Variants in FAM120B observed in about 807,000 individuals in gnomAD.
The protein encoded by FAM120B is family with sequence similarity 120 member B.
In FAM120B, 83 loss-of-function variants were observed where a neutral mutation model predicts 96.3. That is an observed-to-expected ratio of 0.86 (90% confidence interval 0.72 to 1.03). The LOEUF is 1.03. Among genes scored for constraint, FAM120B ranks in the 50% least tolerant of loss-of-function variants. The probability of loss-of-function intolerance (pLI) is 0.00; values close to 1 mark genes in which losing one functional copy is unlikely to be tolerated. For synonymous variants in FAM120B, 407 were observed against 402.7 expected, an observed-to-expected ratio of 1.01 and a Z score of -0.13; for missense variants, 1,027 against 1,121.2, an observed-to-expected ratio of 0.92 and a Z score of 1.20.
intron 3 of FAM120B, 88 bp downstream of exon 3, chr6:170,323,347 C>A: frequency 2.7e-6 from 3 of 1,094,344 alleles, no homozygotes; most frequent in Admixed American, 2.4e-5. Flanking sequence ...TGCATTCTTT[C>A]AAGACATGGA....
intron 6 of FAM120B, among the ~76,000 whole-genome samples, chr6:170,364,327 T>C (rs571213826): frequency 1.3e-5 from 2 of 152,322 alleles, no homozygotes; most frequent in Non-Finnish European, 2.9e-5. Flanking sequence ...GCCAAGTCAC[T>C]ATCCCAGAGT....
upstream of FAM120B, among the ~76,000 whole-genome samples, chr6:170,306,352 C>T (rs1425880920): frequency 8.5e-5 from 13 of 152,236 alleles, no homozygotes. Context: ...CAGGGCCACC[C>T]GCCTGGGCCG....
intron 2 of FAM120B, among the ~76,000 whole-genome samples, chr6:170,320,349 A>G (rs1562524989): frequency 6.6e-6 from 1 of 152,304 alleles, no homozygotes; most frequent in East Asian, 1.9e-4. Flanking sequence ...AAGCAGGTAT[A>G]TCGATATGAT....
intron 2 of FAM120B, among the ~76,000 whole-genome samples, chr6:170,321,741 G>T (rs1785300316): frequency 6.6e-6 from 1 of 152,154 alleles, no homozygotes; most frequent in Non-Finnish European, 1.5e-5. Flanking sequence ...CAGGACAAGT[G>T]CTTTTCTTAT....
chr6:170,379,189 A>G (rs1456956330), intron 6 of FAM120B, among the ~76,000 whole-genome samples: 2 of 152,240 alleles, frequency 1.3e-5, no homozygotes, highest in East Asian at 3.9e-4. Flanking sequence ...ACAGGAAAAA[A>G]TATACCTGTG....
intron 2 of FAM120B, among the ~76,000 whole-genome samples, chr6:170,322,248 T>G (rs1044345973): frequency 2.6e-5 from 4 of 152,238 alleles, no homozygotes; most frequent in Admixed American, 2.6e-4. Flanking sequence ...AATGAGTGAA[T>G]GAATATAGTA....
intron 2 of FAM120B, among the ~76,000 whole-genome samples, chr6:170,321,694 T>C (rs758453141): frequency 6.6e-6 from 1 of 152,142 alleles, no homozygotes; most frequent in Non-Finnish European, 1.5e-5. Context: ...TATAATCTTA[T>C]AGAACATGCA....
upstream of FAM120B, among the ~76,000 whole-genome samples, chr6:170,291,369 G>A (rs1783867774): frequency 6.6e-6 from 1 of 151,594 alleles, no homozygotes; most frequent in East Asian, 2.0e-4. Flanking sequence ...CCGAAACTCC[G>A]GGCCGCGGCG....
intron 6 of FAM120B, among the ~76,000 whole-genome samples, chr6:170,361,214 A>ACATG: frequency 1.0e-5 from 1 of 100,094 alleles, no homozygotes; most frequent in East Asian, 1.2e-3. Flanking sequence ...ATATATATAT[A>ACATG]TATATATATA....
chr6:170,353,482 A>T (rs1787708290), intron 5 of FAM120B, among the ~76,000 whole-genome samples: 1 of 152,236 alleles, frequency 6.6e-6, no homozygotes, highest in Non-Finnish European at 1.5e-5. Flanking sequence ...CTTGATGAAC[A>T]TTGATGCAAA....
chr6:170,390,921 AG>A, intron 7 of FAM120B, 91 bp from the exon 8 acceptor site: 1 of 982,508 alleles, frequency 1.0e-6, no homozygotes, highest in South Asian at 1.4e-5. Context: ...ACAGTGTGGA[AG>A]GGTGTCCCCT....
intron 9 of FAM120B, 94 bp from the exon 10 acceptor site, chr6:170,404,456 C>A: frequency 9.2e-7 from 1 of 1,082,362 alleles, no homozygotes; most frequent in Admixed American, 1.9e-5. Flanking sequence ...TACAGCTCAG[C>A]ATCTTTGTTC....
At chr6:170,329,513 G>A (rs1450422361) in intron 3 of FAM120B, among the ~76,000 whole-genome samples, 3 of 152,000 alleles carry the variant, frequency 2.0e-5, no homozygotes, top group South Asian at 2.1e-4. Flanking sequence ...AGTCACCCCC[G>A]CGGTCCTGTG....
intron 6 of FAM120B, among the ~76,000 whole-genome samples, chr6:170,361,210 A>ATATATG (rs1788374749): frequency 2.1e-5 from 2 of 96,566 alleles, no homozygotes; most frequent in Non-Finnish European, 4.1e-5. Flanking sequence ...ATATATATAT[A>ATATATG]TATATATATA....
chr6:170,325,476 A>C (rs942251794), intron 3 of FAM120B, among the ~76,000 whole-genome samples: 3 of 150,696 alleles, frequency 2.0e-5, no homozygotes, highest in African/African-American at 7.3e-5. Flanking sequence ...CTTTTGGATT[A>C]GTTTAATAAT....
chr6:170,328,088 T>A (rs1785725196), intron 3 of FAM120B, among the ~76,000 whole-genome samples: 1 of 152,248 alleles, frequency 6.6e-6, no homozygotes, highest in Non-Finnish European at 1.5e-5. Context: ...ACTTTTTTAC[T>A]TTATAAACTT....
At chr6:170,324,606 T>C (rs927368915) in intron 3 of FAM120B, among the ~76,000 whole-genome samples, 1 of 152,216 alleles carries the variant, frequency 6.6e-6, no homozygotes, top group African/African-American at 2.4e-5. Context: ...TTAAACTATA[T>C]AAATTTCACT....
chr6:170,298,974 T>A (rs907895012), intron 1 of FAM120B, among the ~76,000 whole-genome samples: 19 of 152,238 alleles, frequency 1.2e-4, no homozygotes, highest in Admixed American at 1.3e-4. Context: ...CCTCACTGGC[T>A]TGTTCACTCC....
intron 6 of FAM120B, among the ~76,000 whole-genome samples, chr6:170,364,490 C>T (rs764411969): frequency 5.9e-5 from 9 of 152,210 alleles, no homozygotes; most frequent in Non-Finnish European, 8.8e-5. Flanking sequence ...TTTTCCAGCA[C>T]CCAGCATCCT....
Sources: gnomAD v4.1 joint callset for allele counts (sites outside exome capture counted in the v4.1 genomes callset) on GRCh38, gnomAD v4.1.1 for gene constraint, MANE v1.5 for transcripts, NCBI Gene and HGNC (gene_info 2026-07-23, HGNC 2026-07-21) for gene names.